The following ADCY2 variants were observed in gnomAD, a reference collection of about 807,000 sequenced individuals.
ADCY2 encodes the protein adenylate cyclase 2.
Under a neutral mutation model 125.2 loss-of-function variants are expected in ADCY2, and 31 were observed. The observed-to-expected ratio is 0.25, with a 90% CI of 0.19 to 0.33. The LOEUF (loss-of-function observed/expected upper bound fraction) is 0.33, where lower values mean the gene tolerates loss of function less well. ADCY2 is among the 10% of genes least tolerant of loss of function. The pLI is 1.00. For synonymous variants in ADCY2, 512 were observed against 548.4 expected (o/e 0.93, Z 0.93); for missense variants, 904 against 1,418.2 (o/e 0.64, Z 5.82).
At chr5:7,594,224 C>A (rs866766976) in intron 3 of ADCY2, among the ~76,000 whole-genome samples, 7 of 152,106 alleles carry the variant, frequency 4.6e-5, no homozygotes, top group Middle Eastern at 3.4e-3. Context: ...CAAATCCAGA[C>A]GAGAGGTGAT....
At chr5:7,481,886 C>T (rs1334640141) in intron 2 of ADCY2, among the ~76,000 whole-genome samples, 1 of 152,052 alleles carries the variant, frequency 6.6e-6, no homozygotes, top group Non-Finnish European at 1.5e-5. Flanking sequence ...GAAACCTTTG[C>T]ACAATGTCCT....
chr5:7,396,422 G>A lies in ADCY2; in HGVS notation c.126G>A (p.Gln42=), dbSNP rs1739038631. The part of the protein sequence containing the change: ...WLYESYYCMS[Q]QHPLIVFLLL... ...ACGAGTCCTACTACTGCATGAGCCA[G>A]CAGCACCCGCTCATCGTCTTCCTGC... Residue 42 remains glutamine (Q), a synonymous_variant, in exon 1 of 25, where the codon CAG becomes CAA. Transcript: ENST00000338316. This position sits in a 1 kb window ranked among gnomAD's most constrained non-coding sequence, Gnocchi z 5.7. The A allele has an allele frequency of 8.9e-6, 14 of 1,581,202 alleles. No homozygotes were observed. Among genetic ancestry groups the A allele is most frequent in the Non-Finnish European group, 1.2e-5 (14 of 1,164,172 alleles).
At chr5:7,482,912 G>A (rs992230183) in intron 2 of ADCY2, among the ~76,000 whole-genome samples, 1 of 151,700 alleles carries the variant, frequency 6.6e-6, no homozygotes, top group Admixed American at 6.6e-5. Context: ...CATAAGCCGG[G>A]CACAGAAAGA....
intron 16 of ADCY2, among the ~76,000 whole-genome samples, chr5:7,763,457 A>C (rs1234313656): frequency 6.6e-6 from 1 of 152,208 alleles, no homozygotes; most frequent in Non-Finnish European, 1.5e-5. Context: ...ATTTTTAAAC[A>C]TACAATTTAG....
intron 3 of ADCY2, among the ~76,000 whole-genome samples, chr5:7,524,056 T>C (rs892657390): frequency 1.3e-5 from 2 of 151,982 alleles, no homozygotes; most frequent in Non-Finnish European, 2.9e-5. Context: ...CATAAGAGAG[T>C]TCATTGTTCT....
At chr5:7,720,831 A>C (rs1012034359) in intron 12 of ADCY2, among the ~76,000 whole-genome samples, 2 of 152,106 alleles carry the variant, frequency 1.3e-5, no homozygotes. Context: ...AGTCTTTGCT[A>C]TTGTGAATAG....
chr5:7,646,618 T>C (rs1034092413), intron 4 of ADCY2, among the ~76,000 whole-genome samples: 4 of 152,162 alleles, frequency 2.6e-5, no homozygotes, highest in African/African-American at 9.7e-5. Flanking sequence ...TCCGTCTATG[T>C]GCAATGAAAT....
intron 22 of ADCY2, among the ~76,000 whole-genome samples, chr5:7,815,665 A>C (rs1745087732): frequency 6.6e-6 from 1 of 152,246 alleles, no homozygotes; most frequent in African/African-American, 2.4e-5. Context: ...ATAAACAGAA[A>C]TTAATAGGAA....
At chr5:7,478,462 A>G (rs1742600694) in intron 2 of ADCY2, among the ~76,000 whole-genome samples, 1 of 152,222 alleles carries the variant, frequency 6.6e-6, no homozygotes, top group Non-Finnish European at 1.5e-5. Context: ...CTTTATAATT[A>G]CAGAATATAC....
chr5:7,476,316 A>T (rs532964133), intron 2 of ADCY2, among the ~76,000 whole-genome samples: 1 of 152,014 alleles, frequency 6.6e-6, no homozygotes, highest in Non-Finnish European at 1.5e-5. Flanking sequence ...GACCCAGCCC[A>T]CAGGCCAGGC....
In ADCY2 at chr5:7,699,332, C is replaced by T. The variant is rs1004652325; in HGVS notation, c.1109+958C>T. Among the ~76,000 whole-genome samples the T allele has an allele frequency of 1.3e-5, 2 of 151,314 alleles. 1 individual carries two copies. The highest frequency in any genetic ancestry group is 1.3e-4 in the Admixed American group (2 of 15,206). On this transcript the variant is annotated intron_variant, in intron 7 of 24. Transcript: ENST00000338316. ...CGGGATGGTCTCGATCTCCTGATCT[C>T]GTGATCCGCCCGCCTCGGCCTCCCA...
intron 3 of ADCY2, among the ~76,000 whole-genome samples, chr5:7,565,432 AT>A (rs1298387922): frequency 1.3e-5 from 2 of 152,154 alleles, no homozygotes; most frequent in South Asian, 4.1e-4. Flanking sequence ...GGTTATAATA[AT>A]TTTTATGGCC....
At chr5:7,415,599 A>G (rs1739908097) in intron 2 of ADCY2, among the ~76,000 whole-genome samples, 1 of 152,030 alleles carries the variant, frequency 6.6e-6, no homozygotes. Context: ...CTTCTGTGAC[A>G]CTGATTTTCC....
Position 7,498,239 on chromosome 5 carries a change from GTTTTTTTT to G in ADCY2, c.409-22479_409-22472del, listed in dbSNP as rs910360437. Among the ~76,000 whole-genome samples, 185 of 62,106 alleles carry G rather than the reference GTTTTTTTT, an allele frequency of 3.0e-3. 1 individual carries two copies. Among genetic ancestry groups the G allele is most frequent in the African/African-American group, 9.5e-3 (171 of 17,974 alleles). 40.7% of individuals were successfully genotyped at this position (62,106 alleles called of 152,430 possible). On this transcript the variant is annotated intron_variant, in intron 2 of 24. Transcript: ENST00000338316. ...TAAGTAAAACTCTTTTTCTTTTTTC[GTTTTTTTT>G]TTTTTTTTTTTTTTTTTTTAAGACA...
At position 7,590,161 on chromosome 5, in the gene ADCY2, G is replaced by A. The variant is rs183356864; in HGVS notation, c.571-36006G>A. On this transcript the variant is annotated intron_variant, in intron 3 of 24. Coordinates refer to ENST00000338316, the MANE Select transcript of ADCY2 (RefSeq NM_020546.3). The stretch of plus-strand genomic sequence containing the variant: ...GAAATGAGTCACTTGGGGAGTCACC[G>A]CACTTCAACTAAGTGCAAAGGATGA... 2.0e-4 allele frequency among the ~76,000 whole-genome samples: 31 copies of A among 152,296 alleles called. No individual in the cohort carries two copies. In the East Asian group the frequency reaches 5.0e-3, roughly 25 times the overall value.
At chr5:7,543,695 A>ATTT (rs1308950702) in intron 3 of ADCY2, among the ~76,000 whole-genome samples, 1 of 152,084 alleles carries the variant, frequency 6.6e-6, no homozygotes, top group African/African-American at 2.4e-5. Flanking sequence ...TGCACTCATC[A>ATTT]ATAGCAGGGA....
At chr5:7,658,487 G>C (rs900317844) in intron 4 of ADCY2, among the ~76,000 whole-genome samples, 2 of 151,250 alleles carry the variant, frequency 1.3e-5, no homozygotes, top group Non-Finnish European at 2.9e-5. Flanking sequence ...CTGGAGTGCA[G>C]TGGTGTGATG....
chr5:7,695,984 G>A (rs965261492), intron 6 of ADCY2, 121 bp downstream of exon 6: 1 of 617,220 alleles, frequency 1.6e-6, no homozygotes. Context: ...ATTGTTTGTA[G>A]AAGTTGTTGG....
chr5:7,437,597 A>C (rs563161933), intron 2 of ADCY2, among the ~76,000 whole-genome samples: 2 of 152,374 alleles, frequency 1.3e-5, no homozygotes, highest in South Asian at 4.1e-4. Context: ...AGTTCTTAGC[A>C]CAGTGCCGGG....
Sources: allele counts gnomAD v4.1 joint callset (sites outside exome capture counted in the v4.1 genomes callset), GRCh38; gene constraint gnomAD v4.1.1; non-coding constraint Gnocchi (gnomAD v3.1); transcripts MANE v1.5; gene names NCBI Gene and HGNC (gene_info 2026-07-23, HGNC 2026-07-21).